DPP6: variants seen among roughly 807,000 people sequenced by gnomAD.
DPP6 encodes the protein dipeptidyl peptidase like 6, also known as A-type potassium channel modulatory protein DPP6.
Under a neutral mutation model 122.6 loss-of-function variants are expected in DPP6, and 69 were observed. The observed-to-expected ratio is 0.56, with a 90% CI of 0.46 to 0.69. DPP6 has a LOEUF of 0.69. Ranked by LOEUF, DPP6 falls within the 30% of genes least tolerant of loss-of-function variation. The pLI is 0.00. For missense variants in DPP6, 928 were observed against 1,116.9 expected (o/e 0.83, Z 2.41); for synonymous variants, 418 against 433.1 (o/e 0.97, Z 0.43).
chr7:154,507,491 G>C (rs1825752981), intron 3 of DPP6, among the ~76,000 whole-genome samples: 2 of 152,178 alleles, frequency 1.3e-5, no homozygotes, highest in Admixed American at 6.5e-5. Flanking sequence ...TTAAGTCAAA[G>C]TGAGATGGAA....
intron 8 of DPP6, among the ~76,000 whole-genome samples, chr7:154,759,627 C>T (rs951797283): frequency 6.6e-6 from 1 of 152,210 alleles, no homozygotes; most frequent in Non-Finnish European, 1.5e-5. Flanking sequence ...CCCCCTACTT[C>T]AAAAATAAGC....
chr7:153,988,756 C>G (rs954411293), intron 1 of DPP6, among the ~76,000 whole-genome samples: 7 of 152,334 alleles, frequency 4.6e-5, no homozygotes, highest in African/African-American at 1.7e-4. Flanking sequence ...GAGGAATGAT[C>G]TAGCCTCCAG....
chr7:154,834,640 G>T (rs1800904198), intron 16 of DPP6, among the ~76,000 whole-genome samples: 1 of 152,250 alleles, frequency 6.6e-6, no homozygotes, highest in Non-Finnish European at 1.5e-5. Context: ...GGAGACTAGG[G>T]TTGCACGGTG....
intron 1 of DPP6, among the ~76,000 whole-genome samples, chr7:154,053,387 A>G (rs1411757331): frequency 4.6e-5 from 7 of 152,058 alleles, no homozygotes; most frequent in East Asian, 3.9e-4. Flanking sequence ...GCATGCTGCT[A>G]TGGTTCCTAA....
chr7:154,129,735 T>G (rs1311313188), intron 1 of DPP6, among the ~76,000 whole-genome samples: 1 of 151,924 alleles, frequency 6.6e-6, no homozygotes, highest in Non-Finnish European at 1.5e-5. Flanking sequence ...CTGTCTCTGC[T>G]AAAAAGACAA....
At chr7:154,884,551 TCA>T (rs904680805) in intron 21 of DPP6, 1 of 147,606 alleles carries the variant, frequency 6.8e-6, no homozygotes, top group Admixed American at 6.7e-5. Context: ...GCACACATGC[TCA>T]CATGCTCACC....
chr7:153,807,190 A>G, the DPP6 span, among the ~76,000 whole-genome samples: 3 of 151,884 alleles, frequency 2.0e-5, no homozygotes, highest in African/African-American at 7.3e-5. Flanking sequence ...AGGCGGGCAC[A>G]TCACCTGAGG....
chr7:154,573,334 A>G (rs1038950403), intron 5 of DPP6, among the ~76,000 whole-genome samples: 11 of 152,094 alleles, frequency 7.2e-5, no homozygotes, highest in African/African-American at 2.2e-4. Flanking sequence ...TGCGTGTGCC[A>G]TTTCTACCAC....
intron 8 of DPP6, among the ~76,000 whole-genome samples, chr7:154,749,573 C>G (rs113488351): frequency 0.02 from 420 of 21,170 alleles, no homozygotes; most frequent in Middle Eastern, 0.067. Flanking sequence ...GAGAGATGGT[C>G]AGGGAGCATA....
At chr7:153,901,343 G>A (rs189380532) in intron 1 of DPP6, among the ~76,000 whole-genome samples, 1 of 152,318 alleles carries the variant, frequency 6.6e-6, no homozygotes, top group East Asian at 1.9e-4. Flanking sequence ...AATAGATTCA[G>A]TGCCAAGTTT....
chr7:154,415,811 T>C (rs1816968342), intron 1 of DPP6, among the ~76,000 whole-genome samples: 1 of 149,968 alleles, frequency 6.7e-6, no homozygotes, highest in South Asian at 2.2e-4. Flanking sequence ...ACAGATTGAG[T>C]TGGACACCTC....
At chr7:154,593,483 C>A (rs1832920089) in intron 5 of DPP6, among the ~76,000 whole-genome samples, 1 of 152,210 alleles carries the variant, frequency 6.6e-6, no homozygotes, top group South Asian at 2.1e-4. Context: ...ATTGGCCTCA[C>A]TTGGATGTTG....
At chr7:154,113,294 C>T (rs1445801607) in intron 1 of DPP6, among the ~76,000 whole-genome samples, 8 of 152,012 alleles carry the variant, frequency 5.3e-5, no homozygotes, top group Admixed American at 3.9e-4. Flanking sequence ...TTCAGGAAGC[C>T]TCATACTGTA....
chr7:153,752,876 T>G, the DPP6 span, among the ~76,000 whole-genome samples: 2 of 150,476 alleles, frequency 1.3e-5, no homozygotes, highest in Admixed American at 6.6e-5. Flanking sequence ...GGACATAATT[T>G]AATTTATTTT....
chr7:154,810,757 C>T lies in DPP6; in HGVS notation c.1666+3645C>T, dbSNP rs565465377. Among the ~76,000 whole-genome samples the T allele has an allele frequency of 2.6e-5, 4 of 152,006 alleles. No individual in the cohort carries two copies. In the East Asian group the frequency reaches 7.7e-4, roughly 29 times the overall value. On this transcript the variant is annotated intron_variant, in intron 16 of 25. Transcript: ENST00000377770. Reference sequence around the variant, plus strand: ...ACACTGGGTCACACACACGACTGACCCAGTCCCCAAGTACAGCCACACTGG... The same window carrying T: ...ACACTGGGTCACACACACGACTGACTCAGTCCCCAAGTACAGCCACACTGG...
chr7:154,123,395 A>G (rs1807639079), intron 1 of DPP6, among the ~76,000 whole-genome samples: 1 of 152,178 alleles, frequency 6.6e-6, no homozygotes. Flanking sequence ...CCACATTTAC[A>G]TGAAGGTATT....
intron 22 of DPP6, among the ~76,000 whole-genome samples, chr7:154,887,246 G>A (rs908669087): frequency 1.3e-5 from 2 of 152,174 alleles, no homozygotes; most frequent in African/African-American, 4.8e-5. Context: ...CCAGCTGACC[G>A]CAGGGCCTCA....
chr7:153,969,415 C>T (rs1795919082), intron 1 of DPP6, among the ~76,000 whole-genome samples: 1 of 146,686 alleles, frequency 6.8e-6, no homozygotes, highest in Non-Finnish European at 1.5e-5. Flanking sequence ...AATTTCTCAT[C>T]CTATTGCTTA....
intron 3 of DPP6, among the ~76,000 whole-genome samples, chr7:154,534,690 C>G (rs906075622): frequency 6.6e-6 from 1 of 152,042 alleles, no homozygotes; most frequent in African/African-American, 2.4e-5. Context: ...ATGAAAACTA[C>G]TAAAATTCCA....
Sources: gnomAD v4.1 joint callset for allele counts (sites outside exome capture counted in the v4.1 genomes callset) on GRCh38, gnomAD v4.1.1 for gene constraint, MANE v1.5 for transcripts, NCBI Gene and HGNC (gene_info 2026-07-23, HGNC 2026-07-21) for gene names.